DIAPH2: variants seen among roughly 807,000 people sequenced by gnomAD.
DIAPH2 encodes the protein diaphanous related formin 2, also known as protein diaphanous homolog 2.
DIAPH2 carries 35 observed loss-of-function variants against 92.7 expected under a neutral mutation model. The ratio of observed to expected loss-of-function variants is 0.38; its 90% CI spans 0.29 to 0.50. The LOEUF (loss-of-function observed/expected upper bound fraction) is 0.50, where lower values mean the gene tolerates loss of function less well. Among genes scored for constraint, DIAPH2 ranks in the 20% least tolerant of loss-of-function variants. DIAPH2 has a pLI of 0.94. For missense variants in DIAPH2, 701 were observed against 819.5 expected, an observed-to-expected ratio of 0.86 and a Z score of 1.77; for synonymous variants, 301 against 280.4, an observed-to-expected ratio of 1.07 and a Z score of -0.73.
At chrX:96,923,524 G>A (rs1332941626) in intron 9 of DIAPH2, among the ~76,000 whole-genome samples, 1 of 111,860 alleles carries the variant, frequency 8.9e-6, no homozygotes, top group African/African-American at 3.2e-5. Context: ...ACGACTTTTT[G>A]GCCTTTAATG....
Position 97,277,159 on chromosome X carries a change from A to C in DIAPH2, c.2844+29320A>C, listed in dbSNP as rs143179432. Among the ~76,000 whole-genome samples the C allele has an allele frequency of 4.8e-3, 535 of 111,260 alleles. 4 individuals are homozygous for C. The highest frequency in any genetic ancestry group is 7.2e-3 in the Admixed American group (75 of 10,410). ...TGAGACCAGTCTGGCCAACATGGGG[A>C]TAACCCCGTCTCTTCTAAAAATTCA... On this transcript the variant is annotated intron_variant, in intron 23 of 26. Transcript: ENST00000324765.
In DIAPH2 at chrX:96,785,836, G is replaced by A. The variant is rs762323210; in HGVS notation, c.447+27578G>A. Among the ~76,000 whole-genome samples the A allele has an allele frequency of 4.5e-5, 5 of 110,898 alleles. No homozygotes were observed. The South Asian group carries it at 1.1e-3, about 25-fold the overall frequency. ...CCAGTGGGACATAGCACCCAGAGCC[G>A]TATCACCTCCCAAAGTTCCTACCTC... On this transcript the variant is annotated intron_variant, in intron 4 of 26. Transcript: ENST00000324765.
At chrX:96,950,509 A>G (rs925717265) in intron 15 of DIAPH2, among the ~76,000 whole-genome samples, 2 of 111,473 alleles carry the variant, frequency 1.8e-5, no homozygotes, top group African/African-American at 6.5e-5. Context: ...AAATTAAGCT[A>G]GTCAGTTTTA....
intron 17 of DIAPH2, among the ~76,000 whole-genome samples, chrX:97,042,189 A>G (rs2066452800): frequency 1.8e-5 from 2 of 111,841 alleles, no homozygotes; most frequent in Non-Finnish European, 3.8e-5. Context: ...TTATATTGTA[A>G]GAGACCAAGT....
At chrX:97,504,440 A>G (rs1487311497) in intron 26 of DIAPH2, among the ~76,000 whole-genome samples, 2 of 112,838 alleles carry the variant, frequency 1.8e-5, no homozygotes. Flanking sequence ...AGTATATATT[A>G]TGTAAATAGA....
chrX:96,933,516 A>G (rs1019576337), intron 10 of DIAPH2, among the ~76,000 whole-genome samples: 2 of 105,357 alleles, frequency 1.9e-5, no homozygotes, highest in Non-Finnish European at 3.9e-5. Flanking sequence ...ATATATGTAT[A>G]TATATATGTG....
intron 26 of DIAPH2, among the ~76,000 whole-genome samples, chrX:97,476,634 A>G (rs754744883): frequency 9.0e-6 from 1 of 110,792 alleles, no homozygotes; most frequent in Admixed American, 9.7e-5. Flanking sequence ...TGTAGAATTA[A>G]TTTTTTCAAT....
Position 96,918,502 on chromosome X carries a change from T to A in DIAPH2, c.870-7T>A. The A allele has an allele frequency of 8.8e-7, 1 of 1,136,833 alleles. No homozygotes were observed. The highest frequency in any genetic ancestry group is 1.2e-6 in the Non-Finnish European group (1 of 839,952). 93.7% of individuals were successfully genotyped at this position (1,136,833 alleles called of 1,213,427 possible). ...TCTCATTTCTGTTTCTTCTTTTTTC[T>A]CTACAGTCTAGATAAACTTTTAGGG... On this transcript the variant is annotated splice_region_variant and splice_polypyrimidine_tract_variant and intron_variant, in intron 8 of 26. Coordinates refer to ENST00000324765, the MANE Select transcript of DIAPH2 (RefSeq NM_006729.5).
intron 17 of DIAPH2, among the ~76,000 whole-genome samples, chrX:97,048,937 C>T (rs905772247): frequency 9.2e-6 from 1 of 109,277 alleles, no homozygotes; most frequent in Non-Finnish European, 1.9e-5. Context: ...TTTTGACATA[C>T]AAAGACATTT....
chrX:96,891,149 T>C (rs1333270208), intron 5 of DIAPH2, among the ~76,000 whole-genome samples: 1 of 112,091 alleles, frequency 8.9e-6, no homozygotes, highest in Non-Finnish European at 1.9e-5. Context: ...TAATCGGCAC[T>C]ATTTTGTGGC....
chrX:97,192,578 C>T (rs2067664017), intron 22 of DIAPH2, among the ~76,000 whole-genome samples: 3 of 111,556 alleles, frequency 2.7e-5, no homozygotes, highest in Admixed American at 1.9e-4. Flanking sequence ...TAATTTAAAA[C>T]ACACAGAAAT....
intron 23 of DIAPH2, among the ~76,000 whole-genome samples, chrX:97,275,672 C>A (rs1418557642): frequency 9.2e-6 from 1 of 108,612 alleles, no homozygotes; most frequent in African/African-American, 3.4e-5. Flanking sequence ...CTCCTCACAT[C>A]CCAGACGGGG....
chrX:96,972,811 A>G (rs1419516497), intron 17 of DIAPH2, among the ~76,000 whole-genome samples: 1 of 111,659 alleles, frequency 9.0e-6, no homozygotes, highest in Non-Finnish European at 1.9e-5. Flanking sequence ...AGAGAATACC[A>G]TCAGTAAAAT....
At chrX:96,721,951 T>C (rs770917495) in intron 1 of DIAPH2, among the ~76,000 whole-genome samples, 1 of 112,468 alleles carries the variant, frequency 8.9e-6, no homozygotes, top group African/African-American at 3.2e-5. Flanking sequence ...ATAGTAGTAC[T>C]AATAGTAGTG....
chrX:97,052,191 C>T (rs192422768), intron 17 of DIAPH2, among the ~76,000 whole-genome samples: 186 of 111,221 alleles, frequency 1.7e-3, no homozygotes, highest in African/African-American at 6.0e-3. Flanking sequence ...CAAGGAGAGA[C>T]ATGGGCGTCA....
chrX:97,058,718 T>A (rs751738369), intron 17 of DIAPH2, among the ~76,000 whole-genome samples: 2 of 110,887 alleles, frequency 1.8e-5, no homozygotes, highest in Non-Finnish European at 3.8e-5. Context: ...CACTTTCACA[T>A]TTATATTCCT....
In DIAPH2 at chrX:96,912,355, T is replaced by G; in HGVS notation, c.615T>G (p.Gly205=). The G allele has an allele frequency of 8.3e-7, 1 of 1,201,087 alleles. No homozygotes were observed. The highest frequency in any genetic ancestry group is 1.1e-6 in the Non-Finnish European group (1 of 888,923). ...VSWVNNFGHE[G]LGLLLDELEK... ...GGGTTAACAACTTTGGCCATGAAGG[T>G]CTTGGACTCTTATTGGATGAGCTGG... Residue 205 remains glycine (G), a synonymous_variant, in exon 6 of 27, where the codon GGT becomes GGG. Transcript: ENST00000324765.
At chrX:97,476,181 C>T (rs765968749) in intron 26 of DIAPH2, among the ~76,000 whole-genome samples, 2 of 112,009 alleles carry the variant, frequency 1.8e-5, no homozygotes, top group Non-Finnish European at 3.8e-5. Flanking sequence ...GTAATGTTCA[C>T]ATTTTAGTTA....
chrX:97,576,266 C>A (rs1012113293), intron 26 of DIAPH2, among the ~76,000 whole-genome samples: 1 of 111,686 alleles, frequency 9.0e-6, no homozygotes, highest in African/African-American at 3.3e-5. Flanking sequence ...TCTGTGCAGA[C>A]TGCAGTCAGA....
Sources: allele counts gnomAD v4.1 joint callset (sites outside exome capture counted in the v4.1 genomes callset), GRCh38; gene constraint gnomAD v4.1.1; transcripts MANE v1.5; gene names NCBI Gene and HGNC (gene_info 2026-07-23, HGNC 2026-07-21).